Variants in TLN2 observed in about 807,000 individuals in gnomAD.
The protein encoded by TLN2 is talin-2.
Under a neutral mutation model 294.7 loss-of-function variants are expected in TLN2, and 118 were observed. The ratio of observed to expected loss-of-function variants is 0.40; its 90% CI spans 0.34 to 0.47. TLN2 has a LOEUF of 0.47. Among genes scored for constraint, TLN2 ranks in the 20% least tolerant of loss-of-function variants. The pLI is 0.84. For missense variants in TLN2, 3,083 were observed against 3,282.2 expected, an observed-to-expected ratio of 0.94 and a Z score of 1.48; for synonymous variants, 1,431 against 1,304.5, an observed-to-expected ratio of 1.10 and a Z score of -2.09.
chr15:62,454,371 C>A (rs1185882171), intron 1 of TLN2, among the ~76,000 whole-genome samples: 1 of 152,158 alleles, frequency 6.6e-6, no homozygotes. Context: ...CAGGCCCTGA[C>A]ATTTTAATGC....
At chr15:62,750,282 A>G in intron 33 of TLN2, 120 bp from the exon 34 acceptor site, 1 of 798,644 alleles carries the variant, frequency 1.3e-6, no homozygotes, top group Non-Finnish European at 2.2e-6. Context: ...ACATCTGAGT[A>G]AAAGTGATCA....
intron 1 of TLN2, among the ~76,000 whole-genome samples, chr15:62,460,286 A>G (rs559648619): frequency 1.8e-3 from 249 of 141,780 alleles, no homozygotes; most frequent in Non-Finnish European, 2.0e-3. Flanking sequence ...TTCCCTTGAG[A>G]TGGAGTTTTG....
At position 62,673,903 on chromosome 15, in the gene TLN2, T is replaced by C; in HGVS notation, c.852+13T>C. 3 of 1,608,014 alleles carry C rather than the reference T, an allele frequency of 1.9e-6. No homozygotes were observed. The highest frequency in any genetic ancestry group is 2.6e-6 in the Non-Finnish European group (3 of 1,174,942). On this transcript the variant is annotated intron_variant, in intron 10 of 58. Coordinates refer to ENST00000636159, the MANE Select transcript of TLN2 (RefSeq NM_015059.3). ...GAGGATCTTTCAGGTATTGGAAATGTACAGAACTTTATTATTCTCCTCACT... is the reference window on the plus strand; with the variant it reads ...GAGGATCTTTCAGGTATTGGAAATGCACAGAACTTTATTATTCTCCTCACT...
chr15:62,712,383 T>G (rs2059480505), intron 22 of TLN2, among the ~76,000 whole-genome samples: 1 of 152,202 alleles, frequency 6.6e-6, no homozygotes, highest in Non-Finnish European at 1.5e-5. Context: ...AACCTGAGAT[T>G]TTTCAATAGC....
chr15:62,668,733 G>C (rs755436540), intron 9 of TLN2, among the ~76,000 whole-genome samples: 10 of 152,182 alleles, frequency 6.6e-5, no homozygotes, highest in Admixed American at 1.3e-4. Flanking sequence ...TAAAGGGCTT[G>C]TTACAAGATG....
At chr15:62,730,029 C>T (rs200598873) in intron 28 of TLN2, among the ~76,000 whole-genome samples, 4 of 121,160 alleles carry the variant, frequency 3.3e-5, no homozygotes, top group Admixed American at 9.7e-5. Flanking sequence ...TTATTGTTGT[C>T]TTTTTTTTTT....
intron 1 of TLN2, among the ~76,000 whole-genome samples, chr15:62,425,859 GA>G (rs1472578294): frequency 6.6e-6 from 1 of 152,208 alleles, no homozygotes; most frequent in Non-Finnish European, 1.5e-5. Context: ...GTTGAGGGGA[GA>G]ACCTACTTAT....
chr15:62,689,038 T>G (rs2057536074), intron 12 of TLN2, among the ~76,000 whole-genome samples: 1 of 152,004 alleles, frequency 6.6e-6, no homozygotes, highest in South Asian at 2.1e-4. Flanking sequence ...TTTTGTAGTT[T>G]TTCTGTTTGT....
In TLN2 at chr15:62,644,419, A is replaced by C. The variant is rs767666403; in HGVS notation, c.-36-2856A>C. 182 of 448,908 alleles carry C rather than the reference A, an allele frequency of 4.1e-4. 1 individual carries two copies. Among genetic ancestry groups the C allele is most frequent in the Non-Finnish European group, 6.6e-4 (147 of 222,928 alleles). The allele number at this position is 448,908 out of a possible 1,614,324, so 27.8% of individuals were successfully genotyped here. On this transcript the variant is annotated intron_variant, in intron 3 of 58. Coordinates refer to ENST00000636159, the MANE Select transcript of TLN2 (RefSeq NM_015059.3). Reference sequence around the variant, plus strand: ...TCATTACTGCTCTCCCTCACTCCCTAGGTGGTCTTTCTAGCCCCTCCCACC... The same window carrying C: ...TCATTACTGCTCTCCCTCACTCCCTCGGTGGTCTTTCTAGCCCCTCCCACC...
intron 21 of TLN2, among the ~76,000 whole-genome samples, chr15:62,711,406 G>T (rs2059422783): frequency 1.3e-5 from 2 of 152,194 alleles, no homozygotes; most frequent in African/African-American, 4.8e-5. Context: ...AAGCTAATAA[G>T]CGAAGGCCAA....
intron 1 of TLN2, among the ~76,000 whole-genome samples, chr15:62,503,981 G>GT (rs11443316): frequency 0.12 from 18,114 of 152,142 alleles, 1,133 homozygotes; most frequent in African/African-American, 0.14. Flanking sequence ...ACATCTGCCT[G>GT]TTTTTTCATC....
intron 2 of TLN2, among the ~76,000 whole-genome samples, chr15:62,605,823 C>T (rs966992895): frequency 3.9e-5 from 6 of 152,194 alleles, no homozygotes; most frequent in African/African-American, 1.4e-4. Flanking sequence ...AGACCTGCAG[C>T]CTCCCCAAGC....
chr15:62,613,318 C>T (rs146923455), intron 2 of TLN2, among the ~76,000 whole-genome samples: 1 of 152,304 alleles, frequency 6.6e-6, no homozygotes, highest in East Asian at 1.9e-4. Flanking sequence ...ATTAAAAATA[C>T]ACCTTTGTAA....
chr15:62,585,553 T>C (rs1400301960), intron 1 of TLN2, among the ~76,000 whole-genome samples: 1 of 152,262 alleles, frequency 6.6e-6, no homozygotes, highest in South Asian at 2.1e-4. Context: ...GTCCTGCTGT[T>C]GGTGACAGGC....
intron 1 of TLN2, among the ~76,000 whole-genome samples, chr15:62,451,786 C>T (rs1345911234): frequency 1.3e-5 from 2 of 152,190 alleles, no homozygotes; most frequent in East Asian, 1.9e-4. Context: ...ATGGGCTTCA[C>T]GAATGCTTTC....
At chr15:62,669,842 G>A (rs1188922649) in intron 9 of TLN2, among the ~76,000 whole-genome samples, 2 of 152,236 alleles carry the variant, frequency 1.3e-5, no homozygotes, top group Admixed American at 6.5e-5. Flanking sequence ...ATTTACTGGG[G>A]AAAATACATG....
At position 62,771,025 on chromosome 15, in the gene TLN2, A is replaced by G. The variant is rs547625561; in HGVS notation, c.5258A>G (p.Lys1753Arg). The change falls in exon 42 of 59, where the codon AAG becomes AGG. Residue 1753 changes from lysine (K) to arginine (R), a missense_variant. Lys to Arg is a conservative substitution (Grantham distance 26). Coordinates refer to ENST00000636159, the MANE Select transcript of TLN2 (RefSeq NM_015059.3). ...TTAGCCGCAGTTGGTGTGGCCTCCA[A>G]GATTCTTGATCATCAGCAGCAGATG... is the stretch of plus-strand genomic sequence containing the variant. ...LILAAVGVAS[K>R]ILDHQQQMTV... 1 of 1,613,656 alleles carries G rather than the reference A, an allele frequency of 6.2e-7. No homozygotes were observed. Among genetic ancestry groups the G allele is most frequent in the South Asian group, 1.1e-5 (1 of 91,018 alleles).
intron 3 of TLN2, among the ~76,000 whole-genome samples, chr15:62,636,602 A>G (rs1372466464): frequency 1.3e-5 from 2 of 152,202 alleles, no homozygotes; most frequent in Non-Finnish European, 2.9e-5. Flanking sequence ...AATTTTGCCC[A>G]AGTCAAAAAA....
intron 1 of TLN2, among the ~76,000 whole-genome samples, chr15:62,543,474 T>C (rs1425707492): frequency 1.3e-5 from 2 of 152,064 alleles, no homozygotes; most frequent in Non-Finnish European, 2.9e-5. Flanking sequence ...GATGGAGCTC[T>C]AGGCCAGACG....
Sources: gnomAD v4.1 joint callset for allele counts (sites outside exome capture counted in the v4.1 genomes callset) on GRCh38, gnomAD v4.1.1 for gene constraint, MANE v1.5 for transcripts, NCBI Gene and HGNC (gene_info 2026-07-23, HGNC 2026-07-21) for gene names.